Variants in CPEB2 observed in about 807,000 individuals in gnomAD.
CPEB2 encodes cytoplasmic polyadenylation element-binding protein 2.
Under a neutral mutation model 93.6 loss-of-function variants are expected in CPEB2, and 56 were observed. The observed-to-expected ratio is 0.60, with a 90% CI of 0.48 to 0.75. The LOEUF (loss-of-function observed/expected upper bound fraction) is 0.75, where lower values mean the gene tolerates loss of function less well. Ranked by LOEUF, CPEB2 falls within the 30% of genes least tolerant of loss-of-function variation. The pLI, the probability that CPEB2 is intolerant of heterozygous loss-of-function variation, is 0.00. For synonymous variants in CPEB2, 764 were observed against 586.3 expected (o/e 1.30, Z -4.38); for missense variants, 1,579 against 1,395.1 (o/e 1.13, Z -2.10).
chr4:15,016,407 A>G (rs1276329959), intron 3 of CPEB2, among the ~76,000 whole-genome samples: 1 of 152,022 alleles, frequency 6.6e-6, no homozygotes, highest in Non-Finnish European at 1.5e-5. Flanking sequence ...AGATTCTTTC[A>G]AATAAGCAAG....
rs557118095 is a variant in CPEB2, at chr4:15,002,700, G to A, written c.27G>A (p.Leu9=). Residue 9 remains leucine, a synonymous_variant, in exon 1 of 12, where the codon CTG becomes CTA. Transcript: ENST00000538197. ...TGAGGGATTTCGGGTTTGGGGTGCT[G>A]CAGACCGCCCCGCTCCGAAGTAGCA... The part of the protein sequence containing the change: MRDFGFGV[L]QTAPLRSSSP... The A allele has an allele frequency of 2.6e-6, 4 of 1,521,402 alleles. No individual in the cohort carries two copies. Among genetic ancestry groups the A allele is most frequent in the African/African-American group, 2.8e-5 (2 of 72,024 alleles). 94.2% of individuals were successfully genotyped at this position (1,521,402 alleles called of 1,614,324 possible). A position where few individuals can be genotyped will look rare whatever the true frequency, so the allele number is the denominator to read the frequency against.
In CPEB2 at chr4:15,045,654, G is replaced by A. The variant is rs183101433; in HGVS notation, c.2200+5167G>A. Among the ~76,000 whole-genome samples, 356 of 152,178 alleles carry A rather than the reference G, an allele frequency of 2.3e-3. 3 individuals are homozygous for A. The highest frequency in any genetic ancestry group is 0.018 in the South Asian group (88 of 4,832). ...CAATGCAAAACTGTAGTTTTAAATT[G>A]TTTTGAGTATAGGGTTTGCAAATTA... is the stretch of plus-strand genomic sequence containing the variant. On this transcript the variant is annotated intron_variant, in intron 6 of 11. Transcript: ENST00000538197.
chr4:15,035,864 A>T lies in CPEB2; in HGVS notation c.2176+2653A>T, dbSNP rs562085164. On this transcript the variant is annotated intron_variant, in intron 5 of 11. Transcript: ENST00000538197. ...TGCATGACTGTTGCAATTAAAGAACATTCCTTAGAAAATGCAGAACTGACA... is the reference window on the plus strand; with the variant it reads ...TGCATGACTGTTGCAATTAAAGAACTTTCCTTAGAAAATGCAGAACTGACA... 2.6e-5 allele frequency among the ~76,000 whole-genome samples: 4 copies of T among 152,324 alleles called. No individual in the cohort carries two copies. In the South Asian group the frequency reaches 8.3e-4, roughly 32 times the overall value.
In CPEB2 at chr4:15,004,327, C is replaced by T. The variant is rs1030263246; in HGVS notation, c.1654C>T (p.His552Tyr). The stretch of plus-strand genomic sequence containing the variant: ...CCTGCAGCAGAGGAACTCCTATAAC[C>T]ACCACCAGGTACGGCGGGCGGCGGC... ...AFLQQRNSYN[H>Y]HQPLLKQSPW... The change falls in exon 1 of 12, where the codon CAC becomes TAC. Residue 552 changes from histidine to tyrosine, a missense_variant. Physicochemically the swap from His to Tyr is moderately conservative, Grantham distance 83 (BLOSUM62 2). Transcript: ENST00000538197. 13 of 1,473,082 alleles carry T rather than the reference C, an allele frequency of 8.8e-6. No individual in the cohort carries two copies. The South Asian group carries it at 1.5e-4, about 18-fold the overall frequency. The allele number at this position is 1,473,082 out of a possible 1,614,324, so 91.3% of individuals were successfully genotyped here.
At chr4:15,064,040 G>A (rs757417238) in intron 11 of CPEB2, among the ~76,000 whole-genome samples, 1 of 151,938 alleles carries the variant, frequency 6.6e-6, no homozygotes, top group African/African-American at 2.4e-5. Context: ...ATAAATATAC[G>A]TGTATAACTG....
chr4:15,006,513 T>C lies in CPEB2; in HGVS notation c.1663-792T>C, dbSNP rs559113580. The stretch of plus-strand genomic sequence containing the variant: ...ACTTGTCTTGCCACAGGTTTGAGAT[T>C]AGGATGTAATTTACTTTTGAAAATG... On this transcript the variant is annotated intron_variant, in intron 1 of 11. Transcript: ENST00000538197. 3 of 152,254 alleles carry C rather than the reference T, an allele frequency of 2.0e-5. No homozygotes were observed. In the East Asian group the frequency reaches 5.8e-4, roughly 29 times the overall value. 9.4% of individuals were successfully genotyped at this position (152,254 alleles called of 1,614,324 possible). A position where few individuals can be genotyped will look rare whatever the true frequency, so the allele number is the denominator to read the frequency against.
At chr4:15,017,434 C>T (rs1724301753) in intron 4 of CPEB2, 156 bp downstream of exon 4, 1 of 460,652 alleles carries the variant, frequency 2.2e-6, no homozygotes. Flanking sequence ...TATGAAATGC[C>T]ATATTTTTCC....
intron 4 of CPEB2, 114 bp downstream of exon 4, chr4:15,017,392 C>T (rs960881937): frequency 4.2e-6 from 2 of 476,116 alleles, no homozygotes; most frequent in Non-Finnish European, 7.4e-6. Context: ...ATAAAACTCT[C>T]TTACACATTT....
At chr4:15,030,915 G>T (rs771938671) in intron 4 of CPEB2, among the ~76,000 whole-genome samples, 10 of 152,060 alleles carry the variant, frequency 6.6e-5, no homozygotes, top group Non-Finnish European at 1.3e-4. Flanking sequence ...ATAAATAAAT[G>T]AACAGGAACC....
chr4:15,008,473 A>G, intron 3 of CPEB2, 46 bp downstream of exon 3: 1 of 1,278,792 alleles, frequency 7.8e-7, no homozygotes, highest in Non-Finnish European at 1.1e-6. Flanking sequence ...TTAGGAGTTT[A>G]GTATTTATAT....
At chr4:15,016,544 G>T (rs950898597) in intron 3 of CPEB2, among the ~76,000 whole-genome samples, 2 of 151,962 alleles carry the variant, frequency 1.3e-5, no homozygotes, top group Admixed American at 1.3e-4. Context: ...TTTTGCAGGG[G>T]AGTTGGGGGA....
chr4:15,010,518 T>C (rs1462978999), intron 3 of CPEB2: 1 of 152,208 alleles, frequency 6.6e-6, no homozygotes, highest in Non-Finnish European at 1.5e-5. Context: ...TGTTTCCATC[T>C]TTCCATAAAA....
At chr4:15,024,266 A>G (rs575980314) in intron 4 of CPEB2, among the ~76,000 whole-genome samples, 22 of 152,044 alleles carry the variant, frequency 1.4e-4, no homozygotes, top group Admixed American at 3.3e-4. Flanking sequence ...CCTTTCTTTA[A>G]TGACTTACAC....
Position 15,003,532 on chromosome 4 carries a change from G to T in CPEB2, c.859G>T (p.Ala287Ser), listed in dbSNP as rs980863533. 3.6e-5 allele frequency: 52 copies of T among 1,449,596 alleles called. No homozygotes were observed. The Admixed American group carries it at 8.2e-4, about 23-fold the overall frequency. 89.8% of individuals were successfully genotyped at this position (1,449,596 alleles called of 1,614,324 possible). ...GGAGSPRKTP[A>S]AGEGSAAESP... is the part of the protein sequence containing the mutation. ...CGCGGGCAGCCCTCGCAAGACCCCA[G>T]CCGCGGGCGAGGGCAGCGCCGCCGA... is the stretch of plus-strand genomic sequence containing the variant. The change falls in exon 1 of 12, where the codon GCC becomes TCC. Residue 287 changes from alanine (A) to serine (S), a missense_variant. Ala to Ser is a moderately conservative substitution (Grantham distance 99). Coordinates refer to ENST00000538197, the MANE Select transcript of CPEB2 (RefSeq NM_001177382.2).
At chr4:15,060,521 A>T (rs1729091489) in intron 10 of CPEB2, among the ~76,000 whole-genome samples, 2 of 152,092 alleles carry the variant, frequency 1.3e-5, no homozygotes, top group Admixed American at 1.3e-4. Context: ...GATGTTTATG[A>T]GGTAGACACA....
rs534266090 is a variant in CPEB2 at position 15,004,114 on chromosome 4, A to AGCG, written c.1459_1461dup (p.Gly487dup). On this transcript the variant is annotated inframe_insertion, in exon 1 of 12. Transcript: ENST00000538197. Reference sequence around the variant, plus strand: ...CTGCACTGGGCTCAGCGTTCCGACGAGCGGCGGCGGCGGCGGCGGCTTCGG... The same window carrying AGCG: ...CTGCACTGGGCTCAGCGTTCCGACGAGCGGCGGCGGCGGCGGCGGCGGCTTCGG... 48,106 of 1,473,914 alleles carry AGCG rather than the reference A, an allele frequency of 0.033. 776 individuals are homozygous for AGCG. Among genetic ancestry groups the AGCG allele is most frequent in the South Asian group, 0.11 (9,087 of 81,642 alleles). 91.3% of individuals were successfully genotyped at this position (1,473,914 alleles called of 1,614,324 possible).
chr4:15,020,467 G>A (rs1724687172), intron 4 of CPEB2, among the ~76,000 whole-genome samples: 1 of 152,136 alleles, frequency 6.6e-6, no homozygotes, highest in African/African-American at 2.4e-5. Context: ...GAGGACTGGT[G>A]ATTGTGCTAA....
rs1722447870 is a variant in CPEB2, at chr4:15,004,154, C to T, written c.1481C>T (p.Ala494Val). The change falls in exon 1 of 12, where the codon GCT becomes GTT. Residue 494 changes from alanine (A) to valine (V), a missense_variant. Around this residue, in one of 2 missense-constraint regions of CPEB2, gnomAD observed 1,411 missense variants for 1,056.0 expected, o/e 1.34. Transcript: ENST00000538197. Reference sequence around the variant, plus strand: ...GGCGGCTTCGGCGGCCCCTTCTCGGCTACCGCTGTGCCCCCTCCGCCGCCG... The same window carrying T: ...GGCGGCTTCGGCGGCCCCTTCTCGGTTACCGCTGTGCCCCCTCCGCCGCCG... Reference protein sequence around the residue: ...GGGGFGGPFSATAVPPPPPPA... With the variant: ...GGGGFGGPFSVTAVPPPPPPA... The T allele has an allele frequency of 1.5e-6, 2 of 1,295,062 alleles. No homozygotes were observed. Among genetic ancestry groups the T allele is most frequent in the African/African-American group, 1.6e-5 (1 of 62,256 alleles). 80.2% of individuals were successfully genotyped at this position (1,295,062 alleles called of 1,614,324 possible).
intron 4 of CPEB2, among the ~76,000 whole-genome samples, chr4:15,032,825 A>C (rs1726256537): frequency 6.6e-6 from 1 of 152,160 alleles, no homozygotes; most frequent in Non-Finnish European, 1.5e-5. Flanking sequence ...TTAAAAATTC[A>C]CATTTCATAT....
Sources: gnomAD v4.1 joint callset for allele counts (sites outside exome capture counted in the v4.1 genomes callset) on GRCh38, gnomAD v4.1.1 for gene constraint, gnomAD v4.1.1 regional missense constraint, MANE v1.5 for transcripts, NCBI Gene and HGNC (gene_info 2026-07-23, HGNC 2026-07-21) for gene names.